ZNF142: variants seen among roughly 807,000 people sequenced by gnomAD.
ZNF142 encodes zinc finger protein 142, also known as zinc finger protein 142 (clone pHZ-49).
In ZNF142, 96 loss-of-function variants were observed where a neutral mutation model predicts 132.1. The ratio of observed to expected loss-of-function variants is 0.73; its 90% confidence interval spans 0.62 to 0.86. The LOEUF (loss-of-function observed/expected upper bound fraction) is 0.86. Ranked by LOEUF, ZNF142 falls within the 40% of genes least tolerant of loss-of-function variation. The probability of loss-of-function intolerance (pLI) is 0.00; values close to 1 mark genes in which losing one functional copy is unlikely to be tolerated. For missense variants in ZNF142, 2,163 were observed against 2,336.2 expected (o/e 0.93, Z 1.53); for synonymous variants, 842 against 890.1 (o/e 0.95, Z 0.96).
intron 6 of ZNF142, among the ~76,000 whole-genome samples, chr2:218,649,668 C>T (rs1937802157): frequency 6.6e-6 from 1 of 152,230 alleles, no homozygotes; most frequent in Non-Finnish European, 1.5e-5. Flanking sequence ...TCAGGCCTTG[C>T]TGTGACAGCC....
Position 218,644,225 on chromosome 2 carries a change from T to C in ZNF142, c.2891A>G (p.Glu964Gly). 1 of 1,614,074 alleles carries C rather than the reference T, an allele frequency of 6.2e-7. No homozygotes were observed. Among genetic ancestry groups the C allele is most frequent in the Non-Finnish European group, 8.5e-7 (1 of 1,180,000 alleles). Reference protein sequence around the residue: ...ENPLLEKPVSEPSTNPPSLEE... With the variant: ...ENPLLEKPVSGPSTNPPSLEE... ...TAAGGATGGAGGATTTGTGGAGGGC[T>C]CAGACACTGGCTTTTCCAGAAGGGG... The change falls in exon 9 of 11, where the codon GAG (glutamate) becomes GGG (glycine). Residue 964 changes from glutamate (E) to glycine (G), a missense_variant. By Grantham distance (98) the Glu-to-Gly change is moderately conservative (BLOSUM62 -2). Transcript: ENST00000411696. This position sits in a 1 kb window ranked among gnomAD's most constrained non-coding sequence, Gnocchi z 4.6.
At position 218,646,353 on chromosome 2, in the gene ZNF142, T is replaced by C; in HGVS notation, c.1874-5A>G. ...CACACTTGTGGGGCTTCTCACCTTA[T>C]ATGGGGGATGCGGATGAAGGGAGAG... On this transcript the variant is annotated splice_polypyrimidine_tract_variant and splice_region_variant and intron_variant, in intron 7 of 10. Transcript: ENST00000411696. 1 of 1,613,904 alleles carries C rather than the reference T, an allele frequency of 6.2e-7. No individual in the cohort carries two copies. The highest frequency in any genetic ancestry group is 2.2e-5 in the East Asian group (1 of 44,884).
At position 218,656,418 on chromosome 2, in the gene ZNF142, G is replaced by T; in HGVS notation, c.12C>A (p.Pro4=). 7.0e-7 allele frequency: 1 copy of T among 1,431,354 alleles called. No homozygotes were observed. Among genetic ancestry groups the T allele is most frequent in the Non-Finnish European group, 9.2e-7 (1 of 1,082,862 alleles). The allele number at this position is 1,431,354 out of a possible 1,614,324, so 88.7% of individuals were successfully genotyped here. A position where few individuals can be genotyped will look rare whatever the true frequency, so the allele number is the denominator to read the frequency against. ...TACTGGCTGGCTGTGAGTCCAAAAG[G>T]GGGTCTGTCATCACCACCGACTTGT... MTD[P]LLDSQPASST... The change falls in exon 4 of 11, where the codon CCC becomes CCA. Residue 4 remains proline (P), a synonymous_variant. Coordinates refer to ENST00000411696, the MANE Select transcript of ZNF142 (RefSeq NM_001379659.1).
intron 4 of ZNF142, among the ~76,000 whole-genome samples, chr2:218,652,744 AATT>A (rs1259847756): frequency 6.6e-5 from 10 of 152,140 alleles, no homozygotes; most frequent in African/African-American, 9.7e-5. Flanking sequence ...TTCTGAAAAT[AATT>A]ATTATTCTCC....
At chr2:218,641,582 C>T (rs1196252480) in intron 9 of ZNF142, among the ~76,000 whole-genome samples, 1 of 151,830 alleles carries the variant, frequency 6.6e-6, no homozygotes, top group Non-Finnish European at 1.5e-5. Context: ...CTCTGTCACT[C>T]AGGCTGGGGT....
At chr2:218,650,676 A>G (rs1222928404) in intron 5 of ZNF142, 150 bp from the exon 6 acceptor site, 4 of 770,940 alleles carry the variant, frequency 5.2e-6, no homozygotes, top group African/African-American at 3.6e-5. Flanking sequence ...ATTTCCACTC[A>G]AGATGAAAAT....
chr2:218,634,371 C>G lies in ZNF142; in HGVS notation c.*3968G>C, dbSNP rs1696586568. The G allele has an allele frequency of 1.9e-6, 3 of 1,559,808 alleles. No homozygotes were observed. Among genetic ancestry groups the G allele is most frequent in the Non-Finnish European group, 2.6e-6 (3 of 1,144,948 alleles). ...GATATTACCAGCAGGTACCGTGCAC[C>G]CAGTACCTATCTTCTTAACTCCCTG... is the stretch of plus-strand genomic sequence containing the variant. On this transcript the variant is annotated 3_prime_UTR_variant, in exon 11 of 11. Coordinates refer to ENST00000411696, the MANE Select transcript of ZNF142 (RefSeq NM_001379659.1). The surrounding 1 kb of genome is among the most constrained non-coding windows in gnomAD (Gnocchi z 4.0).
At position 218,638,120 on chromosome 2, in the gene ZNF142, A is replaced by G; in HGVS notation, c.*219T>C. ...CTGAGAACTTGCAGGTTAAAAACGCAATGTACAGCAATAAGAAATCAACGT... is the reference window on the plus strand; with the variant it reads ...CTGAGAACTTGCAGGTTAAAAACGCGATGTACAGCAATAAGAAATCAACGT... On this transcript the variant is annotated 3_prime_UTR_variant, in exon 11 of 11. Coordinates refer to ENST00000411696, the MANE Select transcript of ZNF142 (RefSeq NM_001379659.1). 2.5e-6 allele frequency: 1 copy of G among 404,856 alleles called. No individual in the cohort carries two copies. Among genetic ancestry groups the G allele is most frequent in the Non-Finnish European group, 4.2e-6 (1 of 235,354 alleles). 25.1% of individuals were successfully genotyped at this position (404,856 alleles called of 1,614,324 possible).
chr2:218,634,970 T>C lies in ZNF142; in HGVS notation c.*3369A>G, dbSNP rs1269234684. ...TATAAAAGAGGCTGGCTGGGAGCGA[T>C]AGCTTACACCTGTAATCCCAGCGCT... On this transcript the variant is annotated 3_prime_UTR_variant, in exon 11 of 11. Coordinates refer to ENST00000411696, the MANE Select transcript of ZNF142 (RefSeq NM_001379659.1). This position sits in a 1 kb window ranked among gnomAD's most constrained non-coding sequence, Gnocchi z 4.0. Among the ~76,000 whole-genome samples the C allele has an allele frequency of 6.6e-6, 1 of 152,144 alleles. No individual in the cohort carries two copies.
Position 218,636,323 on chromosome 2 carries a change from G to T in ZNF142, c.*2016C>A. On this transcript the variant is annotated 3_prime_UTR_variant, in exon 11 of 11. Transcript: ENST00000411696. ...TGCCATGCTGCGTTTTGTGGTAATG[G>T]ATTATGACTGGAAATCCCGAAATGA... is the stretch of plus-strand genomic sequence containing the variant. 6.2e-7 allele frequency: 1 copy of T among 1,614,006 alleles called. No homozygotes were observed.
intron 4 of ZNF142, among the ~76,000 whole-genome samples, chr2:218,654,754 G>C (rs1938329419): frequency 6.6e-6 from 1 of 150,658 alleles, no homozygotes; most frequent in South Asian, 2.1e-4. Context: ...CTTCTTTAGA[G>C]CATTGCACAT....
chr2:218,651,914 C>T lies in ZNF142; in HGVS notation c.667G>A (p.Val223Met). 8.0e-7 allele frequency: 1 copy of T among 1,256,672 alleles called. No homozygotes were observed. The highest frequency in any genetic ancestry group is 1.0e-6 in the Non-Finnish European group (1 of 958,602). 77.8% of individuals were successfully genotyped at this position (1,256,672 alleles called of 1,614,324 possible). Residue 223 changes from valine (V) to methionine (M), a missense_variant, in exon 5 of 11, where the codon GTG becomes ATG. Val to Met is a conservative substitution (Grantham distance 21). Around this residue, in one of 7 missense-constraint regions of ZNF142, gnomAD observed 195 missense variants for 172.4 expected, o/e 1.13. Coordinates refer to ENST00000411696, the MANE Select transcript of ZNF142 (RefSeq NM_001379659.1). ...GGGCAGCCCCGGAAAGAACAGGGCA[C>T]AGGAACTGCTCTGTGAGTCTGCCTC... ...HLRQTHRAVP[V>M]PCSFRGCPLL...
Position 218,633,753 on chromosome 2 carries a change from A to G in ZNF142, c.*4586T>C. 2.5e-6 allele frequency: 4 copies of G among 1,613,888 alleles called. No individual in the cohort carries two copies. The South Asian group carries it at 4.4e-5, about 18-fold the overall frequency. ...GAAACCAAGGCCAAGCGCCTCATCA[A>G]GGAGGCTGGTCAGGACCAAAATGGA... is the stretch of plus-strand genomic sequence containing the variant. On this transcript the variant is annotated 3_prime_UTR_variant, in exon 11 of 11. Coordinates refer to ENST00000411696, the MANE Select transcript of ZNF142 (RefSeq NM_001379659.1).
At position 218,635,724 on chromosome 2, in the gene ZNF142, T is replaced by C; in HGVS notation, c.*2615A>G. 2 of 1,534,630 alleles carry C rather than the reference T, an allele frequency of 1.3e-6. No individual in the cohort carries two copies. Among genetic ancestry groups the C allele is most frequent in the South Asian group, 2.4e-5 (2 of 81,706 alleles). The stretch of plus-strand genomic sequence containing the variant: ...ACAAACCAAAAAGCTTCTTCTCCCC[T>C]GGGGTTGGGAGTAGGGTCGGGTGGG... On this transcript the variant is annotated 3_prime_UTR_variant, in exon 11 of 11. Coordinates refer to ENST00000411696, the MANE Select transcript of ZNF142 (RefSeq NM_001379659.1).
At chr2:218,653,821 C>T (rs1938239439) in intron 4 of ZNF142, among the ~76,000 whole-genome samples, 1 of 152,022 alleles carries the variant, frequency 6.6e-6, no homozygotes, top group African/African-American at 2.4e-5. Flanking sequence ...CCCTTGCTTC[C>T]CTGGGGACCA....
chr2:218,645,143 G>A, intron 8 of ZNF142, 79 bp from the exon 9 acceptor site: 1 of 1,526,728 alleles, frequency 6.5e-7, no homozygotes, highest in Non-Finnish European at 8.8e-7. Context: ...TACTTACTGT[G>A]GGCCAGGCTC....
intron 4 of ZNF142, among the ~76,000 whole-genome samples, chr2:218,653,082 C>T (rs966988897): frequency 6.6e-6 from 1 of 152,018 alleles, no homozygotes; most frequent in African/African-American, 2.4e-5. Flanking sequence ...AGATCGAGAC[C>T]ATCCTGGCTA....
Position 218,656,398 on chromosome 2 carries a change from G to A in ZNF142, c.32C>T (p.Ala11Val), listed in dbSNP as rs1199164610. Residue 11 changes from alanine (A) to valine (V), a missense_variant, in exon 4 of 11, where the codon GCC becomes GTC. Transcript: ENST00000411696. MTDPLLDSQP[A>V]SSTGEMDGLC... is the part of the protein sequence containing the mutation. ...TCCATCCATCTCCCCGGTGCTACTG[G>A]CTGGCTGTGAGTCCAAAAGGGGGTC... 21 of 1,446,702 alleles carry A rather than the reference G, an allele frequency of 1.5e-5. No homozygotes were observed. Among genetic ancestry groups the A allele is most frequent in the Non-Finnish European group, 1.8e-5 (20 of 1,088,554 alleles). The allele number at this position is 1,446,702 out of a possible 1,614,324, so 89.6% of individuals were successfully genotyped here.
Position 218,642,180 on chromosome 2 carries a change from G to A in ZNF142, c.4936C>T (p.His1646Tyr). The A allele has an allele frequency of 6.2e-7, 1 of 1,614,204 alleles. No homozygotes were observed. The highest frequency in any genetic ancestry group is 8.5e-7 in the Non-Finnish European group (1 of 1,180,030). The change falls in exon 9 of 11, where the codon CAT becomes TAT. Residue 1646 changes from histidine to tyrosine, a missense_variant. His to Tyr is a moderately conservative substitution (Grantham distance 83). Around this residue, in one of 7 missense-constraint regions of ZNF142, gnomAD observed 325 missense variants for 367.8 expected, o/e 0.88. Transcript: ENST00000411696. This position sits in a 1 kb window ranked among gnomAD's most constrained non-coding sequence, Gnocchi z 4.6. ...CACTTGTAGAGACGAGTGCCCCCAT[G>A]CCCTTTCACATGGTGATCTAGTACC... ...QLVLDHHVKGHGGTRLYKCTD... is the reference protein window; with the variant it reads ...QLVLDHHVKGYGGTRLYKCTD...
Sources: gnomAD v4.1 joint callset for allele counts (sites outside exome capture counted in the v4.1 genomes callset) on GRCh38, gnomAD v4.1.1 for gene constraint, gnomAD v4.1.1 regional missense constraint, Gnocchi (gnomAD v3.1) non-coding constraint, MANE v1.5 for transcripts, NCBI Gene and HGNC (gene_info 2026-07-23, HGNC 2026-07-21) for gene names.